RASSF9: variants seen among roughly 807,000 people sequenced by gnomAD.
RASSF9 encodes the protein ras association domain-containing protein 9.
Under a neutral mutation model 21.4 loss-of-function variants are expected in RASSF9, and 18 were observed. That is an observed-to-expected ratio of 0.84 (90% CI 0.58 to 1.25). RASSF9 has a LOEUF of 1.25. RASSF9 is among the 50% of genes most tolerant of loss of function. RASSF9 has a pLI of 0.00. For missense variants in RASSF9, 480 were observed against 503.2 expected, an observed-to-expected ratio of 0.95 and a Z score of 0.44; for synonymous variants, 183 against 179.1, an observed-to-expected ratio of 1.02 and a Z score of -0.18.
In RASSF9 at chr12:85,806,672, C is replaced by CAAAAA. The variant is rs71076150; in HGVS notation, c.48-715_48-711dup. On this transcript the variant is annotated intron_variant, in intron 1 of 1. Coordinates refer to ENST00000361228, the MANE Select transcript of RASSF9 (RefSeq NM_005447.4). ...TGGGCAACAGCGTGAGACTCCATCT[C>CAAAAA]AAAAAAAAAAAAAAAAAAAAAAAAA... is the stretch of plus-strand genomic sequence containing the variant. Among the ~76,000 whole-genome samples the CAAAAA allele has an allele frequency of 4.7e-4, 26 of 54,840 alleles. 2 individuals are homozygous for CAAAAA. In the East Asian group the frequency reaches 9.6e-3, roughly 20 times the overall value. 36.0% of individuals were successfully genotyped at this position (54,840 alleles called of 152,430 possible).
At position 85,821,924 on chromosome 12, in the gene RASSF9, T is replaced by C. The variant is rs147043985; in HGVS notation, c.47+14231A>G. ...TTCCGGAAATTGATTATAGTCCAAA[T>C]GTAAATATTTAACATGTGTTATTTA... On this transcript the variant is annotated intron_variant, in intron 1 of 1. Transcript: ENST00000361228. Among the ~76,000 whole-genome samples the C allele has an allele frequency of 1.8e-4, 28 of 152,326 alleles. 1 individual carries two copies. In the East Asian group the frequency reaches 5.4e-3, roughly 29 times the overall value.
chr12:85,813,345 A>T (rs1045450192), intron 1 of RASSF9, among the ~76,000 whole-genome samples: 2 of 151,966 alleles, frequency 1.3e-5, no homozygotes, highest in Admixed American at 1.3e-4. Context: ...AATTACACAG[A>T]ATTAAAATGA....
At chr12:85,823,466 T>C (rs1300647119) in intron 1 of RASSF9, among the ~76,000 whole-genome samples, 1 of 152,186 alleles carries the variant, frequency 6.6e-6, no homozygotes, top group Non-Finnish European at 1.5e-5. Context: ...TGCACCTTGC[T>C]TCTTCCACAT....
At chr12:85,820,013 A>G (rs1346172760) in intron 1 of RASSF9, among the ~76,000 whole-genome samples, 2 of 152,232 alleles carry the variant, frequency 1.3e-5, no homozygotes, top group Non-Finnish European at 2.9e-5. Context: ...TTTGATGTTC[A>G]AATAAATTTG....
intron 1 of RASSF9, among the ~76,000 whole-genome samples, chr12:85,824,520 G>A (rs1880287252): frequency 1.3e-5 from 2 of 152,064 alleles, no homozygotes; most frequent in Admixed American, 1.3e-4. Flanking sequence ...AATCTTACCA[G>A]ACTGTCATTT....
rs59320001 is a variant in RASSF9, at chr12:85,801,828, AT to A, written c.*2873del. 0.15 allele frequency: 23,431 copies of A among 152,148 alleles called. 1,917 individuals are homozygous for A. Among genetic ancestry groups the A allele is most frequent in the Middle Eastern group, 0.19 (55 of 294 alleles). 9.4% of individuals were successfully genotyped at this position (152,148 alleles called of 1,614,324 possible). Reference sequence around the variant, plus strand: ...AGACTCCGTCTCAAGGAAAAAAAAAATAGAATTCATTGAAGGAGGGGAATTA... The same window carrying A: ...AGACTCCGTCTCAAGGAAAAAAAAAAAGAATTCATTGAAGGAGGGGAATTA... On this transcript the variant is annotated 3_prime_UTR_variant, in exon 2 of 2. Transcript: ENST00000361228.
chr12:85,819,407 G>A (rs1433525512), intron 1 of RASSF9, among the ~76,000 whole-genome samples: 2 of 151,912 alleles, frequency 1.3e-5, no homozygotes, highest in Non-Finnish European at 2.9e-5. Context: ...TTTTAAATAC[G>A]AAAATTTAAA....
chr12:85,805,233 G>A lies in RASSF9; in HGVS notation c.777C>T (p.Asp259=). The A allele has an allele frequency of 6.2e-7, 1 of 1,613,656 alleles. No individual in the cohort carries two copies. The highest frequency in any genetic ancestry group is 8.5e-7 in the Non-Finnish European group (1 of 1,179,888). ...GTTCAATTCCATCACTTTCGCTCAG[G>A]TCCTCCAGAGTCTGGTTTTCCTCAT... is the stretch of plus-strand genomic sequence containing the variant. ...LQYEENQTLE[D]LSESDGIEQL... The change falls in exon 2 of 2, where the codon GAC becomes GAT. Residue 259 remains aspartate, a synonymous_variant. Transcript: ENST00000361228.
At chr12:85,824,307 C>T (rs1405288810) in intron 1 of RASSF9, among the ~76,000 whole-genome samples, 1 of 152,124 alleles carries the variant, frequency 6.6e-6, no homozygotes, top group Non-Finnish European at 1.5e-5. Context: ...ACTGAGTTTT[C>T]CTAAACACTT....
chr12:85,819,765 C>T (rs1429524936), intron 1 of RASSF9, among the ~76,000 whole-genome samples: 2 of 152,142 alleles, frequency 1.3e-5, no homozygotes, highest in East Asian at 3.8e-4. Flanking sequence ...AGTTCCCTGT[C>T]TGCTTTAGAA....
chr12:85,833,854 G>T (rs965042822), intron 1 of RASSF9, among the ~76,000 whole-genome samples: 6 of 151,882 alleles, frequency 4.0e-5, no homozygotes, highest in Non-Finnish European at 5.9e-5. Context: ...ACTCTTATCA[G>T]ATAACTGTCT....
chr12:85,824,496 C>A (rs939345839), intron 1 of RASSF9, among the ~76,000 whole-genome samples: 6 of 152,192 alleles, frequency 3.9e-5, no homozygotes, highest in African/African-American at 1.4e-4. Flanking sequence ...TTCCCCTTCA[C>A]ATTTGTGCCC....
Position 85,836,245 on chromosome 12 carries a change from T to C in RASSF9, c.-44A>G, listed in dbSNP as rs1418335838. 2.1e-6 allele frequency: 1 copy of C among 483,740 alleles called. No homozygotes were observed. Among genetic ancestry groups the C allele is most frequent in the Non-Finnish European group, 2.8e-6 (1 of 355,202 alleles). 30.0% of individuals were successfully genotyped at this position (483,740 alleles called of 1,614,324 possible). ...ATAAAGAAATTATCTTAAAGTGATC[T>C]GAGGGTGGGGGTGGGGGTGTCTGGA... On this transcript the variant is annotated 5_prime_UTR_variant, in exon 1 of 2. Coordinates refer to ENST00000361228, the MANE Select transcript of RASSF9 (RefSeq NM_005447.4).
At chr12:85,826,406 C>T (rs1880333164) in intron 1 of RASSF9, among the ~76,000 whole-genome samples, 1 of 151,654 alleles carries the variant, frequency 6.6e-6, no homozygotes, top group Non-Finnish European at 1.5e-5. Context: ...TTAACTCCCT[C>T]GTACCTGGCC....
chr12:85,812,338 T>C (rs1349011715), intron 1 of RASSF9, among the ~76,000 whole-genome samples: 1 of 151,454 alleles, frequency 6.6e-6, no homozygotes, highest in South Asian at 2.1e-4. Flanking sequence ...TTGCTTAGCA[T>C]ACTTCTGTTT....
At chr12:85,833,107 T>C (rs1880485796) in intron 1 of RASSF9, among the ~76,000 whole-genome samples, 1 of 151,738 alleles carries the variant, frequency 6.6e-6, no homozygotes, top group Non-Finnish European at 1.5e-5. Flanking sequence ...AGAAAAAAAA[T>C]TATGTAGTAG....
At chr12:85,817,393 T>C (rs1880097673) in intron 1 of RASSF9, among the ~76,000 whole-genome samples, 2 of 152,104 alleles carry the variant, frequency 1.3e-5, no homozygotes, top group Admixed American at 6.6e-5. Flanking sequence ...AATAAATTAA[T>C]TTAGCTTTAT....
intron 1 of RASSF9, among the ~76,000 whole-genome samples, chr12:85,810,670 T>C (rs1337076214): frequency 6.6e-6 from 1 of 151,890 alleles, no homozygotes; most frequent in Non-Finnish European, 1.5e-5. Context: ...AATGTTCCCA[T>C]CTCAATCTTT....
Position 85,804,626 on chromosome 12 carries a change from A to G in RASSF9, c.*76T>C, listed in dbSNP as rs999531264. ...TATGATTTACATTTTTTTGAGTGTT[A>G]TATTTAAAATGAGGTTTCCTATTAA... is the stretch of plus-strand genomic sequence containing the variant. On this transcript the variant is annotated 3_prime_UTR_variant, in exon 2 of 2. Coordinates refer to ENST00000361228, the MANE Select transcript of RASSF9 (RefSeq NM_005447.4). The G allele has an allele frequency of 7.4e-6, 10 of 1,342,542 alleles. No homozygotes were observed. The highest frequency in any genetic ancestry group is 9.1e-6 in the Non-Finnish European group (9 of 993,038). 83.2% of individuals were successfully genotyped at this position (1,342,542 alleles called of 1,614,324 possible). A position where few individuals can be genotyped will look rare whatever the true frequency, so the allele number is the denominator to read the frequency against.
Sources: allele counts gnomAD v4.1 joint callset (sites outside exome capture counted in the v4.1 genomes callset), GRCh38; gene constraint gnomAD v4.1.1; transcripts MANE v1.5; gene names NCBI Gene and HGNC (gene_info 2026-07-23, HGNC 2026-07-21).